Variants in TSGA10 observed in about 807,000 individuals in gnomAD.
TSGA10 encodes the protein testis-specific gene 10 protein.
In TSGA10, 43 loss-of-function variants were observed where a neutral mutation model predicts 96.6. The ratio of observed to expected loss-of-function variants is 0.44; its 90% CI spans 0.35 to 0.57. TSGA10 has a LOEUF of 0.57. Ranked by LOEUF, TSGA10 falls within the 20% of genes least tolerant of loss-of-function variation. The pLI is 0.01. For missense variants in TSGA10, 703 were observed against 834.4 expected (o/e 0.84, Z 1.94); for synonymous variants, 229 against 269.9 (o/e 0.85, Z 1.48).
chr2:99,139,217 C>A (rs948085228), intron 1 of TSGA10, among the ~76,000 whole-genome samples: 1 of 151,886 alleles, frequency 6.6e-6, no homozygotes, highest in Non-Finnish European at 1.5e-5. Context: ...GAGTCATGAT[C>A]GCACCACTGC....
At chr2:99,133,854 G>C (rs1288761094) in intron 1 of TSGA10, among the ~76,000 whole-genome samples, 2 of 152,142 alleles carry the variant, frequency 1.3e-5, no homozygotes, top group Non-Finnish European at 2.9e-5. Context: ...GCTTAGTTTG[G>C]CTGGATATGA....
At chr2:99,088,617 G>C (rs938508242) in intron 10 of TSGA10, among the ~76,000 whole-genome samples, 3 of 152,100 alleles carry the variant, frequency 2.0e-5, no homozygotes, top group Non-Finnish European at 4.4e-5. Context: ...ACACAATCAC[G>C]TGGAAAACTG....
At chr2:99,098,359 A>C (rs1289912821) in intron 10 of TSGA10, among the ~76,000 whole-genome samples, 38 of 150,992 alleles carry the variant, frequency 2.5e-4, no homozygotes, top group African/African-American at 9.0e-4. Context: ...GAATGGCATG[A>C]ACTTGGGAGG....
At chr2:99,111,080 A>G (rs2091768101) in intron 4 of TSGA10, among the ~76,000 whole-genome samples, 165 bp from the exon 5 acceptor site, 1 of 152,172 alleles carries the variant, frequency 6.6e-6, no homozygotes, top group South Asian at 2.1e-4. Context: ...GATAAAAGAT[A>G]AAAGATGATT....
intron 10 of TSGA10, among the ~76,000 whole-genome samples, chr2:99,090,067 G>A (rs755079406): frequency 7.9e-5 from 12 of 152,186 alleles, no homozygotes; most frequent in Non-Finnish European, 1.0e-4. Context: ...TGAGAGACCA[G>A]AAGATGGTTC....
chr2:99,117,553 T>A lies in TSGA10; in HGVS notation c.-149A>T. The stretch of plus-strand genomic sequence containing the variant: ...GTGGTAAATCTGGTACCTTGGCTTC[T>A]TCAAGTTCCTTGTTGGCGGAATCCA... On this transcript the variant is annotated 5_prime_UTR_variant, in exon 4 of 21. In the 5' UTR this introduces an upstream ATG that the reference lacks. Coordinates refer to ENST00000393483, the MANE Select transcript of TSGA10 (RefSeq NM_025244.4). 2 of 985,858 alleles carry A rather than the reference T, an allele frequency of 2.0e-6. No individual in the cohort carries two copies. The highest frequency in any genetic ancestry group is 2.4e-6 in the Non-Finnish European group (2 of 829,896). The allele number at this position is 985,858 out of a possible 1,614,324, so 61.1% of individuals were successfully genotyped here. A position where few individuals can be genotyped will look rare whatever the true frequency, so the allele number is the denominator to read the frequency against.
At chr2:99,120,660 C>T (rs2092523025) in intron 2 of TSGA10, among the ~76,000 whole-genome samples, 1 of 152,094 alleles carries the variant, frequency 6.6e-6, no homozygotes, top group African/African-American at 2.4e-5. Flanking sequence ...CTCATACGCC[C>T]TTTACTCAGT....
At position 99,127,283 on chromosome 2, in the gene TSGA10, T is replaced by C. The variant is rs185254503; in HGVS notation, c.-620-107A>G. 6.4e-4 allele frequency: 607 copies of C among 951,164 alleles called. 1 individual carries two copies. Among genetic ancestry groups the C allele is most frequent in the Non-Finnish European group, 6.7e-4 (502 of 745,296 alleles). The allele number at this position is 951,164 out of a possible 1,614,324, so 58.9% of individuals were successfully genotyped here. On this transcript the variant is annotated intron_variant, in intron 1 of 20. Transcript: ENST00000393483. ...ATTGATAATATTCTTAGATTTTTTT[T>C]AACCATTTCCCACCAGCTAAGAGGA...
chr2:99,027,671 C>T (rs1187213239), intron 17 of TSGA10, among the ~76,000 whole-genome samples: 2 of 151,714 alleles, frequency 1.3e-5, no homozygotes, highest in South Asian at 2.1e-4. Context: ...CATAAATATA[C>T]ATAATTATTA....
chr2:99,135,944 G>C (rs1219466209), intron 1 of TSGA10, among the ~76,000 whole-genome samples: 1 of 148,996 alleles, frequency 6.7e-6, no homozygotes, highest in African/African-American at 2.5e-5. Flanking sequence ...GAGAGGTGGA[G>C]GTTGCAGTGA....
At position 99,060,781 on chromosome 2, in the gene TSGA10, T is replaced by A. The variant is rs921016783; in HGVS notation, c.1404+4158A>T. 3.3e-5 allele frequency among the ~76,000 whole-genome samples: 5 copies of A among 152,160 alleles called. No individual in the cohort carries two copies. The East Asian group carries it at 7.7e-4, about 23-fold the overall frequency. ...GAGTATAGAAACAGATCCACACATA[T>A]ATGATCATTTGATTTTTGTGAAAAA... On this transcript the variant is annotated intron_variant, in intron 16 of 20. Transcript: ENST00000393483.
intron 1 of TSGA10, chr2:99,141,564 CGCACGCCCACGCA>C (rs1332252145): frequency 6.5e-6 from 1 of 153,094 alleles, no homozygotes; most frequent in Non-Finnish European, 1.5e-5. Context: ...GCCGCGCAGG[CGCACGCCCACGCA>C]GCGCCTAGAC....
intron 20 of TSGA10, among the ~76,000 whole-genome samples, chr2:99,009,869 T>A (rs1181461381): frequency 6.6e-6 from 1 of 152,140 alleles, no homozygotes; most frequent in African/African-American, 2.4e-5. Context: ...TGAAGAAACA[T>A]GCAAGCATGT....
chr2:99,128,035 T>C (rs980095094), intron 1 of TSGA10, among the ~76,000 whole-genome samples: 1 of 152,214 alleles, frequency 6.6e-6, no homozygotes, highest in Non-Finnish European at 1.5e-5. Context: ...AGGAAAACAA[T>C]TTTTTCTTTC....
At chr2:99,137,886 CAAAAAA>C (rs35439305) in intron 1 of TSGA10, among the ~76,000 whole-genome samples, 1 of 116,008 alleles carries the variant, frequency 8.6e-6, no homozygotes. Context: ...GACTCCATGT[CAAAAAA>C]AAAAAAAAAA....
At chr2:99,077,127 C>CCTTTT (rs2086801619) in intron 12 of TSGA10, among the ~76,000 whole-genome samples, 1 of 70,432 alleles carries the variant, frequency 1.4e-5, no homozygotes, top group African/African-American at 5.7e-5. Flanking sequence ...GACCATTCAC[C>CCTTTT]TTTTTTTTTT....
intron 16 of TSGA10, among the ~76,000 whole-genome samples, chr2:99,043,050 T>C (rs1040022026): frequency 1.3e-5 from 2 of 152,108 alleles, no homozygotes; most frequent in African/African-American, 4.8e-5. Context: ...AGCAACCAGA[T>C]GTCATAATTA....
intron 16 of TSGA10, among the ~76,000 whole-genome samples, chr2:99,047,774 T>C (rs946281672): frequency 2.0e-5 from 3 of 152,130 alleles, no homozygotes; most frequent in African/African-American, 7.2e-5. Context: ...AAAGAGGAAG[T>C]CAAATTGTCC....
intron 20 of TSGA10, among the ~76,000 whole-genome samples, chr2:99,002,298 T>C (rs1316079593): frequency 6.6e-6 from 1 of 152,134 alleles, no homozygotes; most frequent in African/African-American, 2.4e-5. Context: ...TGGCAGAAAC[T>C]CCACAAGCCA....
Sources: gnomAD v4.1 joint callset for allele counts (sites outside exome capture counted in the v4.1 genomes callset) on GRCh38, gnomAD v4.1.1 for gene constraint, MANE v1.5 for transcripts, NCBI Gene and HGNC (gene_info 2026-07-23, HGNC 2026-07-21) for gene names.